Variants in ROCK1 observed in about 807,000 individuals in gnomAD.
The protein encoded by ROCK1 is Rho associated coiled-coil containing protein kinase 1.
ROCK1 carries 36 observed loss-of-function variants against 196.8 expected under a neutral mutation model. The observed-to-expected ratio is 0.18, with a 90% CI of 0.14 to 0.24. The LOEUF is 0.24. Ranked by LOEUF, ROCK1 falls within the 10% of genes least tolerant of loss-of-function variation. The pLI is 1.00. For missense variants in ROCK1, 920 were observed against 1,562.0 expected (o/e 0.59, Z 6.93); for synonymous variants, 443 against 515.9 (o/e 0.86, Z 1.91).
chr18:21,095,312 G>T (rs1332718127), intron 1 of ROCK1, among the ~76,000 whole-genome samples: 2 of 151,666 alleles, frequency 1.3e-5, no homozygotes, highest in East Asian at 3.9e-4. Flanking sequence ...GTTCTTCAAA[G>T]AACTAATCAA....
chr18:21,005,929 TCA>T (rs1432518450), intron 16 of ROCK1, among the ~76,000 whole-genome samples: 2 of 152,212 alleles, frequency 1.3e-5, no homozygotes, highest in Admixed American at 1.3e-4. Flanking sequence ...TTCACCAAAG[TCA>T]TTTTCTTTAT....
intron 27 of ROCK1, among the ~76,000 whole-genome samples, chr18:20,966,701 A>G (rs983213436): frequency 1.3e-5 from 2 of 152,200 alleles, no homozygotes; most frequent in African/African-American, 4.8e-5. Context: ...AAAGCTTCTT[A>G]GGTCTATTTA....
At chr18:21,009,808 T>C (rs2035800837) in intron 13 of ROCK1, among the ~76,000 whole-genome samples, 3 of 152,356 alleles carry the variant, frequency 2.0e-5, no homozygotes, top group South Asian at 2.1e-4. Flanking sequence ...TGACTAATTA[T>C]GTGAACCTCT....
intron 1 of ROCK1, among the ~76,000 whole-genome samples, chr18:21,103,265 T>C (rs1329227883): frequency 6.6e-6 from 1 of 152,128 alleles, no homozygotes; most frequent in Non-Finnish European, 1.5e-5. Context: ...CAAATATAAC[T>C]ATTGAAATTA....
Position 21,097,122 on chromosome 18 carries a change from G to A in ROCK1, c.93+13696C>T, listed in dbSNP as rs1295402631. On this transcript the variant is annotated intron_variant, in intron 1 of 32. Transcript: ENST00000399799. Reference sequence around the variant, plus strand: ...AGAAAGCAAGAAAATCCAGTAGAGCGCAGTCTATTTTGGGAAATGCTGGGA... The same window carrying A: ...AGAAAGCAAGAAAATCCAGTAGAGCACAGTCTATTTTGGGAAATGCTGGGA... Among the ~76,000 whole-genome samples, 13 of 152,268 alleles carry A rather than the reference G, an allele frequency of 8.5e-5. No individual in the cohort carries two copies. The South Asian group carries it at 1.7e-3, about 19-fold the overall frequency.
At chr18:21,092,967 T>C (rs1323479508) in intron 1 of ROCK1, among the ~76,000 whole-genome samples, 1 of 152,202 alleles carries the variant, frequency 6.6e-6, no homozygotes, top group East Asian at 1.9e-4. Context: ...TAATGGTAAA[T>C]GAACTCCAAT....
At position 20,955,400 on chromosome 18, in the gene ROCK1, C is replaced by T. The variant is rs2035232128; in HGVS notation, c.3513-155G>A. ...TGCAAATTAAAACCACAATAAGTGT[C>T]ACTACACATCTATCAGAGTTAAAAA... On this transcript the variant is annotated intron_variant, in intron 29 of 32. Transcript: ENST00000399799. 4.4e-6 allele frequency: 4 copies of T among 919,330 alleles called. No individual in the cohort carries two copies. The Admixed American group carries it at 1.0e-4, about 24-fold the overall frequency. The allele number at this position is 919,330 out of a possible 1,614,324, so 56.9% of individuals were successfully genotyped here. A position where few individuals can be genotyped will look rare whatever the true frequency, so the allele number is the denominator to read the frequency against.
chr18:21,007,978 T>A, intron 14 of ROCK1, 81 bp downstream of exon 14: 1 of 1,022,570 alleles, frequency 9.8e-7, no homozygotes. Flanking sequence ...GCTTCATGTA[T>A]GTATCATGGA....
At chr18:21,070,320 T>C (rs549270354) in intron 2 of ROCK1, among the ~76,000 whole-genome samples, 20 of 152,278 alleles carry the variant, frequency 1.3e-4, no homozygotes, top group Admixed American at 7.8e-4. Flanking sequence ...AATACTTATT[T>C]TAACTATTTT....
intron 1 of ROCK1, among the ~76,000 whole-genome samples, chr18:21,107,040 A>T (rs2036708967): frequency 6.6e-6 from 1 of 152,230 alleles, no homozygotes; most frequent in Admixed American, 6.5e-5. Context: ...TCTAAATAAG[A>T]AATTCATTTA....
At chr18:20,986,054 T>C (rs1409731232) in intron 19 of ROCK1, among the ~76,000 whole-genome samples, 2 of 152,126 alleles carry the variant, frequency 1.3e-5, no homozygotes, top group African/African-American at 4.8e-5. Flanking sequence ...GGTTTCACCA[T>C]GTTGCCTAGG....
intron 2 of ROCK1, among the ~76,000 whole-genome samples, chr18:21,060,838 T>C (rs1461685107): frequency 1.9e-5 from 1 of 53,460 alleles, no homozygotes; most frequent in Non-Finnish European, 2.9e-5. Flanking sequence ...AAACTCCATC[T>C]CAAAAAAAAA....
In ROCK1 at chr18:20,982,770, T is replaced by C. The variant is rs1348552026; in HGVS notation, c.2552A>G (p.Tyr851Cys). The C allele has an allele frequency of 1.3e-6, 2 of 1,527,716 alleles. No individual in the cohort carries two copies. Among genetic ancestry groups the C allele is most frequent in the South Asian group, 2.3e-5 (2 of 88,888 alleles). The allele number at this position is 1,527,716 out of a possible 1,614,324, so 94.6% of individuals were successfully genotyped here. The part of the protein sequence containing the change: ...ELQDQLEAEQ[Y>C]FSTLYKTQVK... ...AAAATGATTCTCACTTACCGAGAAA[T>C]ATTGCTCAGCTTCAAGCTGATCTTG... is the stretch of plus-strand genomic sequence containing the variant. Residue 851 changes from tyrosine (Y) to cysteine (C), a missense_variant, in exon 21 of 33, where the codon TAT (tyrosine) becomes TGT (cysteine). Transcript: ENST00000399799.
intron 29 of ROCK1, among the ~76,000 whole-genome samples, chr18:20,957,788 T>A (rs1366814231): frequency 1.3e-5 from 2 of 151,526 alleles, no homozygotes; most frequent in South Asian, 2.1e-4. Context: ...CTGGCCCAAG[T>A]GAGCTTTCTT....
At chr18:21,001,917 G>A (rs1225227941) in intron 16 of ROCK1, among the ~76,000 whole-genome samples, 1 of 151,908 alleles carries the variant, frequency 6.6e-6, no homozygotes, top group African/African-American at 2.4e-5. Context: ...ATTAGAAAAC[G>A]GATCAACTTT....
At chr18:21,025,046 T>C (rs1486866945) in intron 10 of ROCK1, among the ~76,000 whole-genome samples, 1 of 152,242 alleles carries the variant, frequency 6.6e-6, no homozygotes, top group Non-Finnish European at 1.5e-5. Flanking sequence ...TGACTGAGAC[T>C]GACATTTTAG....
rs1356004344 is a variant in ROCK1 at position 21,085,095 on chromosome 18, G to C, written c.94-14482C>G. ...AATGGAGATTACCATAGGCTGGAGG[G>C]ACAGGGAATAAAAGAGTTACTGTTT... is the stretch of plus-strand genomic sequence containing the variant. On this transcript the variant is annotated intron_variant, in intron 1 of 32. Coordinates refer to ENST00000399799, the MANE Select transcript of ROCK1 (RefSeq NM_005406.3). Among the ~76,000 whole-genome samples, 6 of 152,264 alleles carry C rather than the reference G, an allele frequency of 3.9e-5. No homozygotes were observed. In the East Asian group the frequency reaches 1.2e-3, roughly 29 times the overall value.
chr18:20,979,269 T>C (rs1374087349), intron 22 of ROCK1, among the ~76,000 whole-genome samples: 1 of 152,174 alleles, frequency 6.6e-6, no homozygotes, highest in East Asian at 1.9e-4. Context: ...TAAATACCTT[T>C]ATCTAACTTA....
chr18:20,995,076 C>G (rs1445010884), intron 16 of ROCK1, among the ~76,000 whole-genome samples: 1 of 152,156 alleles, frequency 6.6e-6, no homozygotes, highest in Non-Finnish European at 1.5e-5. Flanking sequence ...TATCCAAAAG[C>G]AGCACTGAAG....
Sources: gnomAD v4.1 joint callset for allele counts (sites outside exome capture counted in the v4.1 genomes callset) on GRCh38, gnomAD v4.1.1 for gene constraint, MANE v1.5 for transcripts, NCBI Gene and HGNC (gene_info 2026-07-23, HGNC 2026-07-21) for gene names.